PRKCE: variants seen among roughly 807,000 people sequenced by gnomAD.
PRKCE encodes the protein protein kinase C epsilon.
A neutral mutation model predicts 85.4 loss-of-function variants in PRKCE; 16 were observed. The ratio of observed to expected loss-of-function variants is 0.19; its 90% CI spans 0.13 to 0.28. The LOEUF (loss-of-function observed/expected upper bound fraction) is 0.28. Ranked by LOEUF, PRKCE falls within the 10% of genes least tolerant of loss-of-function variation. The pLI is 1.00. For missense variants in PRKCE, 573 were observed against 975.2 expected, an observed-to-expected ratio of 0.59 and a Z score of 5.49; for synonymous variants, 388 against 371.5, an observed-to-expected ratio of 1.04 and a Z score of -0.51.
chr2:45,926,203 T>C (rs1050132191), intron 2 of PRKCE, among the ~76,000 whole-genome samples: 1 of 152,216 alleles, frequency 6.6e-6, no homozygotes, highest in Non-Finnish European at 1.5e-5. Context: ...TGCTGAGGCC[T>C]GCAATGATAT....
intron 14 of PRKCE, among the ~76,000 whole-genome samples, chr2:46,175,068 C>G (rs1679297051): frequency 6.6e-6 from 1 of 152,052 alleles, no homozygotes; most frequent in Non-Finnish European, 1.5e-5. Flanking sequence ...TTCTAAAATC[C>G]TTCCTTCCTT....
At chr2:45,971,927 T>C (rs1002772527) in intron 2 of PRKCE, among the ~76,000 whole-genome samples, 16 of 152,144 alleles carry the variant, frequency 1.1e-4, no homozygotes, top group African/African-American at 3.9e-4. Flanking sequence ...AATGTGGGAG[T>C]GCAGATGCAT....
At chr2:45,976,005 A>G (rs1702426619) in intron 2 of PRKCE, among the ~76,000 whole-genome samples, 1 of 152,168 alleles carries the variant, frequency 6.6e-6, no homozygotes, top group South Asian at 2.1e-4. Context: ...TGCCATTGCC[A>G]TTTACAAAGG....
chr2:45,963,112 G>A (rs1481528393), intron 2 of PRKCE, among the ~76,000 whole-genome samples: 1 of 152,030 alleles, frequency 6.6e-6, no homozygotes, highest in Non-Finnish European at 1.5e-5. Context: ...CCTGCCGTGG[G>A]GACTAGATGG....
intron 2 of PRKCE, among the ~76,000 whole-genome samples, chr2:45,926,113 G>A (rs1444179971): frequency 6.6e-6 from 1 of 152,206 alleles, no homozygotes; most frequent in African/African-American, 2.4e-5. Context: ...TCACAGACTT[G>A]TGAAGTATAA....
intron 11 of PRKCE, among the ~76,000 whole-genome samples, chr2:46,121,532 CTG>C: frequency 6.6e-6 from 1 of 152,264 alleles, no homozygotes; most frequent in East Asian, 1.9e-4. Context: ...ACAGTGGACT[CTG>C]AGATATTATA....
intron 2 of PRKCE, among the ~76,000 whole-genome samples, chr2:45,957,446 C>G (rs1179629037): frequency 6.6e-6 from 1 of 152,032 alleles, no homozygotes; most frequent in Non-Finnish European, 1.5e-5. Context: ...AATTTCTGGA[C>G]TCTATTCTGT....
In PRKCE at chr2:45,858,008, C is replaced by T. The variant is rs532897044; in HGVS notation, c.412+14945C>T. ...ACGTGACCGCCAGCTGACGGCTGAG[C>T]GTCCACGTGTGGCCTGTGTGCTGTT... On this transcript the variant is annotated intron_variant, in intron 2 of 14. Coordinates refer to ENST00000306156, the MANE Select transcript of PRKCE (RefSeq NM_005400.3). 1.1e-3 allele frequency among the ~76,000 whole-genome samples: 167 copies of T among 152,332 alleles called. 1 individual carries two copies. The highest frequency in any genetic ancestry group is 2.0e-3 in the Non-Finnish European group (134 of 68,032).
chr2:46,070,166 G>A (rs1667952400), intron 10 of PRKCE, among the ~76,000 whole-genome samples: 1 of 152,220 alleles, frequency 6.6e-6, no homozygotes, highest in Non-Finnish European at 1.5e-5. Flanking sequence ...CTCTAAAGAA[G>A]GCAAGGGTCC....
chr2:46,151,347 A>C, intron 13 of PRKCE, 118 bp downstream of exon 13: 1 of 1,101,672 alleles, frequency 9.1e-7, no homozygotes, highest in Non-Finnish European at 1.3e-6. Context: ...TTCTCTGTCC[A>C]GCTTTCTCCC....
chr2:45,912,425 C>CA (rs1176447340), intron 2 of PRKCE, among the ~76,000 whole-genome samples: 1 of 152,198 alleles, frequency 6.6e-6, no homozygotes, highest in Non-Finnish European at 1.5e-5. Context: ...CATCCCGGGC[C>CA]TGCTTAGCCT....
At chr2:45,848,796 T>C (rs2105533412) in intron 2 of PRKCE, among the ~76,000 whole-genome samples, 1 of 152,314 alleles carries the variant, frequency 6.6e-6, no homozygotes, top group African/African-American at 2.4e-5. Context: ...TAGAGAACAA[T>C]GCAAAGCATT....
chr2:45,730,577 A>G (rs1464091942), intron 1 of PRKCE, among the ~76,000 whole-genome samples: 1 of 150,678 alleles, frequency 6.6e-6, no homozygotes, highest in Non-Finnish European at 1.5e-5. Context: ...CTTGTGCCTC[A>G]GCCACCTTAG....
intron 1 of PRKCE, among the ~76,000 whole-genome samples, chr2:45,759,944 C>G (rs767312506): frequency 1.1e-4 from 16 of 152,140 alleles, no homozygotes; most frequent in South Asian, 2.1e-4. Flanking sequence ...ATGGGGGATA[C>G]TGAAGGGCAT....
chr2:46,119,685 T>C (rs1199941254), intron 11 of PRKCE, among the ~76,000 whole-genome samples: 2 of 152,224 alleles, frequency 1.3e-5, no homozygotes. Context: ...GAAGAAATAT[T>C]TGCAAAGAGA....
chr2:46,001,139 C>T lies in PRKCE; in HGVS notation c.824-265C>T, dbSNP rs1408076489. 1 of 159,214 alleles carries T rather than the reference C, an allele frequency of 6.3e-6. No homozygotes were observed. Among genetic ancestry groups the T allele is most frequent in the African/African-American group, 2.4e-5 (1 of 41,472 alleles). 9.9% of individuals were successfully genotyped at this position (159,214 alleles called of 1,614,324 possible). A position where few individuals can be genotyped will look rare whatever the true frequency, so the allele number is the denominator to read the frequency against. On this transcript the variant is annotated intron_variant, in intron 6 of 14. Coordinates refer to ENST00000306156, the MANE Select transcript of PRKCE (RefSeq NM_005400.3). This position sits in a 1 kb window ranked among gnomAD's most constrained non-coding sequence, Gnocchi z 4.4. ...GAAATATAAATGTGACATTTACTTA[C>T]TTATCTATATTTAGGGTATACGTAG...
intron 11 of PRKCE, among the ~76,000 whole-genome samples, chr2:46,122,526 C>T (rs1159712138): frequency 6.6e-6 from 1 of 152,214 alleles, no homozygotes. Flanking sequence ...CTGCACCCAG[C>T]CCACTTATAG....
chr2:45,751,380 A>AT (rs1164436068), intron 1 of PRKCE, among the ~76,000 whole-genome samples: 1 of 152,206 alleles, frequency 6.6e-6, no homozygotes, highest in Non-Finnish European at 1.5e-5. Flanking sequence ...TATTAGGACT[A>AT]TTTATACACT....
chr2:45,763,853 G>T (rs112047059), intron 1 of PRKCE, among the ~76,000 whole-genome samples: 4 of 152,144 alleles, frequency 2.6e-5, no homozygotes, highest in African/African-American at 7.2e-5. Flanking sequence ...ATCCCAAGCC[G>T]AATTGAACAG....
Sources: gnomAD v4.1 joint callset for allele counts (sites outside exome capture counted in the v4.1 genomes callset) on GRCh38, gnomAD v4.1.1 for gene constraint, Gnocchi (gnomAD v3.1) non-coding constraint, MANE v1.5 for transcripts, NCBI Gene and HGNC (gene_info 2026-07-23, HGNC 2026-07-21) for gene names.